Variants in CDK19 observed in about 807,000 individuals in gnomAD.
CDK19 encodes cyclin dependent kinase 19.
A neutral mutation model predicts 68.3 loss-of-function variants in CDK19; 20 were observed. That is an observed-to-expected ratio of 0.29 (90% CI 0.21 to 0.43). The LOEUF is 0.43. CDK19 is among the 20% of genes least tolerant of loss of function. The pLI, the probability that CDK19 is intolerant of heterozygous loss-of-function variation, is 1.00. For synonymous variants in CDK19, 221 were observed against 222.8 expected (o/e 0.99, Z 0.07); for missense variants, 339 against 623.5 (o/e 0.54, Z 4.86).
rs576570450 is a variant in CDK19, at chr6:110,787,100, G to A, written c.128+27909C>T. Among the ~76,000 whole-genome samples, 5 of 152,226 alleles carry A rather than the reference G, an allele frequency of 3.3e-5. No homozygotes were observed. The East Asian group carries it at 5.8e-4, about 18-fold the overall frequency. ...TAAAAACCTATTCAGGGCCAGGCGC[G>A]GTGGCTCACACCTGTAATCCCCAGC... On this transcript the variant is annotated intron_variant, in intron 1 of 12. Coordinates refer to ENST00000368911, the MANE Select transcript of CDK19 (RefSeq NM_015076.5).
chr6:110,689,417 C>T (rs1008090808), intron 2 of CDK19, among the ~76,000 whole-genome samples: 1 of 152,148 alleles, frequency 6.6e-6, no homozygotes. Context: ...TAACACAAGG[C>T]AAGTAAAAAT....
At chr6:110,742,348 G>A (rs1044002727) in intron 2 of CDK19, among the ~76,000 whole-genome samples, 4 of 151,832 alleles carry the variant, frequency 2.6e-5, no homozygotes, top group Admixed American at 1.3e-4. Flanking sequence ...CGTTATCTTC[G>A]TAAGCCAAGA....
chr6:110,752,184 T>A (rs1191333017), intron 1 of CDK19, among the ~76,000 whole-genome samples: 1 of 152,146 alleles, frequency 6.6e-6, no homozygotes, highest in African/African-American at 2.4e-5. Context: ...CTTTATTACA[T>A]AATAACATAT....
intron 8 of CDK19, among the ~76,000 whole-genome samples, chr6:110,623,936 T>C (rs960638847): frequency 6.7e-6 from 1 of 148,668 alleles, no homozygotes; most frequent in Admixed American, 6.8e-5. Flanking sequence ...TGTATATATA[T>C]ATATGTGTGT....
intron 12 of CDK19, 88 bp from the exon 13 acceptor site, chr6:110,614,754 C>A: frequency 5.2e-6 from 7 of 1,344,226 alleles, no homozygotes; most frequent in Non-Finnish European, 7.2e-6. Context: ...AGATATAAGC[C>A]GTTTTCATTA....
rs1401605512 is a variant in CDK19 at position 110,611,281 on chromosome 6, A to ATTCC, written c.*3250_*3253dup. On this transcript the variant is annotated 3_prime_UTR_variant, in exon 13 of 13. Transcript: ENST00000368911. ...GAGCAGAAAGCCTTCACTTGGATTC[A>ATTCC]TTCCTTCCTGTCAATAACCCCTCCT... 4.6e-5 allele frequency: 7 copies of ATTCC among 152,298 alleles called. No homozygotes were observed. Among genetic ancestry groups the ATTCC allele is most frequent in the African/African-American group, 1.7e-4 (7 of 41,474 alleles). 9.4% of individuals were successfully genotyped at this position (152,298 alleles called of 1,614,324 possible). A position where few individuals can be genotyped will look rare whatever the true frequency, so the allele number is the denominator to read the frequency against.
chr6:110,750,478 A>G (rs1442225910), intron 1 of CDK19, among the ~76,000 whole-genome samples: 1 of 152,186 alleles, frequency 6.6e-6, no homozygotes, highest in African/African-American at 2.4e-5. Context: ...AACAGAAAAG[A>G]TTGAGAAGGA....
upstream of CDK19, chr6:110,815,727 A>G (rs1285261057): frequency 6.6e-6 from 1 of 152,532 alleles, no homozygotes; most frequent in Non-Finnish European, 1.5e-5. Context: ...CACTGGAAAG[A>G]AGTGCCTTAC....
chr6:110,715,033 C>A (rs968684852), intron 2 of CDK19, among the ~76,000 whole-genome samples: 1 of 152,014 alleles, frequency 6.6e-6, no homozygotes, highest in African/African-American at 2.4e-5. Flanking sequence ...CATGCCTGGC[C>A]GAAAAATGTC....
At chr6:110,629,447 C>T (rs1423638346) in intron 6 of CDK19, among the ~76,000 whole-genome samples, 5 of 152,104 alleles carry the variant, frequency 3.3e-5, no homozygotes, top group Non-Finnish European at 5.9e-5. Flanking sequence ...AAATGCCTCC[C>T]GGGTTCAAGG....
At chr6:110,775,230 T>C (rs986891658) in intron 1 of CDK19, among the ~76,000 whole-genome samples, 2 of 151,948 alleles carry the variant, frequency 1.3e-5, no homozygotes, top group Non-Finnish European at 2.9e-5. Flanking sequence ...GGCAACAGGG[T>C]GAGAATCCAT....
chr6:110,631,886 T>C (rs1406526654), intron 6 of CDK19, 144 bp downstream of exon 6: 1 of 717,942 alleles, frequency 1.4e-6, no homozygotes, highest in East Asian at 2.7e-5. Context: ...AATCTAAATC[T>C]ACCAGAAATC....
chr6:110,687,548 G>T (rs1248151161), intron 2 of CDK19, among the ~76,000 whole-genome samples: 1 of 152,142 alleles, frequency 6.6e-6, no homozygotes, highest in Non-Finnish European at 1.5e-5. Context: ...AAACAAAAAT[G>T]CCACTTCCTT....
intron 2 of CDK19, among the ~76,000 whole-genome samples, chr6:110,735,351 T>C (rs993132028): frequency 1.2e-4 from 18 of 152,214 alleles, no homozygotes; most frequent in Non-Finnish European, 2.1e-4. Context: ...CACTCCCTTA[T>C]AATGTTACTA....
At chr6:110,671,603 A>G (rs1771016733) in intron 2 of CDK19, among the ~76,000 whole-genome samples, 1 of 152,212 alleles carries the variant, frequency 6.6e-6, no homozygotes, top group South Asian at 2.1e-4. Context: ...AAAGTCAAAT[A>G]GCTAGAAAGA....
At chr6:110,681,108 C>T (rs1430475044) in intron 2 of CDK19, among the ~76,000 whole-genome samples, 2 of 152,162 alleles carry the variant, frequency 1.3e-5, no homozygotes, top group Non-Finnish European at 2.9e-5. Context: ...GAGGCCGAAG[C>T]AGGCAGATCA....
chr6:110,694,253 C>G (rs1773290770), intron 2 of CDK19, among the ~76,000 whole-genome samples: 2 of 152,110 alleles, frequency 1.3e-5, no homozygotes, highest in African/African-American at 4.8e-5. Context: ...AGAGACTCAC[C>G]TAACACATAA....
intron 6 of CDK19, among the ~76,000 whole-genome samples, chr6:110,629,128 T>C (rs1004406495): frequency 3.3e-5 from 5 of 152,224 alleles, no homozygotes; most frequent in Non-Finnish European, 7.3e-5. Flanking sequence ...TGCCTGGTCA[T>C]GCCAATTCCT....
chr6:110,787,736 C>G (rs1295931), intron 1 of CDK19, among the ~76,000 whole-genome samples: 23,800 of 152,214 alleles, frequency 0.16, 2,076 homozygotes, highest in East Asian at 0.32. Context: ...AGCCATGACA[C>G]CTGGCAGGTT....
Sources: gnomAD v4.1 joint callset for allele counts (sites outside exome capture counted in the v4.1 genomes callset) on GRCh38, gnomAD v4.1.1 for gene constraint, MANE v1.5 for transcripts, NCBI Gene and HGNC (gene_info 2026-07-23, HGNC 2026-07-21) for gene names.